SGCD: variants seen among roughly 807,000 people sequenced by gnomAD.
The protein encoded by SGCD is delta-sarcoglycan.
In SGCD, 18 loss-of-function variants were observed where a neutral mutation model predicts 36.6. That is an observed-to-expected ratio of 0.49 (90% CI 0.34 to 0.73). The LOEUF (loss-of-function observed/expected upper bound fraction) is 0.73. SGCD is among the 30% of genes least tolerant of loss of function. The probability of loss-of-function intolerance (pLI) is 0.01; values close to 1 mark genes in which losing one functional copy is unlikely to be tolerated. For missense variants in SGCD, 387 were observed against 346.7 expected (o/e 1.12, Z -0.92); for synonymous variants, 133 against 130.6 (o/e 1.02, Z -0.12).
At chr5:156,361,186 A>T (rs1431901742) in intron 3 of SGCD, among the ~76,000 whole-genome samples, 1 of 152,208 alleles carries the variant, frequency 6.6e-6, no homozygotes, top group African/African-American at 2.4e-5. Flanking sequence ...TCCCTCCTGC[A>T]AGGGGTTGAG....
chr5:156,304,419 C>T (rs1767144672), intron 3 of SGCD, among the ~76,000 whole-genome samples: 2 of 152,264 alleles, frequency 1.3e-5, no homozygotes, highest in South Asian at 4.1e-4. Context: ...CCTGCAAACA[C>T]TCTCTCTTTG....
chr5:156,392,586 G>A (rs1369733764), intron 3 of SGCD, among the ~76,000 whole-genome samples: 1 of 152,180 alleles, frequency 6.6e-6, no homozygotes, highest in Non-Finnish European at 1.5e-5. Flanking sequence ...AGCTCAATTA[G>A]ACCTCTGACT....
chr5:156,149,132 G>A (rs931171370), intron 3 of SGCD, among the ~76,000 whole-genome samples: 1 of 152,156 alleles, frequency 6.6e-6, no homozygotes, highest in African/African-American at 2.4e-5. Context: ...GGCTGTCACA[G>A]GTACATAGTA....
intron 5 of SGCD, among the ~76,000 whole-genome samples, chr5:156,592,961 G>A (rs561344823): frequency 6.6e-6 from 1 of 152,266 alleles, no homozygotes; most frequent in South Asian, 2.1e-4. Flanking sequence ...TTGTCCCATT[G>A]CAGTAGAATG....
At chr5:155,836,313 C>T in the SGCD span, among the ~76,000 whole-genome samples, 1 of 152,184 alleles carries the variant, frequency 6.6e-6, no homozygotes, top group African/African-American at 2.4e-5. Context: ...CCACTTGGTT[C>T]TTGGCCATAC....
chr5:156,553,969 T>C (rs28432313), intron 4 of SGCD, among the ~76,000 whole-genome samples: 5,799 of 151,672 alleles, frequency 0.038, 405 homozygotes, highest in African/African-American at 0.13. Context: ...CTTGGTTATA[T>C]ACAGTCGTCC....
At chr5:156,269,881 G>T (rs73302651) in intron 3 of SGCD, among the ~76,000 whole-genome samples, 22,828 of 152,156 alleles carry the variant, frequency 0.15, 2,503 homozygotes, top group African/African-American at 0.31. Flanking sequence ...AGTTTAATTA[G>T]ATCTCATTTG....
chr5:155,886,944 A>G (rs1477306748), intron 1 of SGCD, among the ~76,000 whole-genome samples: 1 of 152,200 alleles, frequency 6.6e-6, no homozygotes, highest in East Asian at 1.9e-4. Context: ...AGCTCATGAT[A>G]AAGCCCTTGG....
the SGCD span, among the ~76,000 whole-genome samples, chr5:155,808,160 C>T: frequency 6.6e-6 from 1 of 152,152 alleles, no homozygotes; most frequent in East Asian, 1.9e-4. Flanking sequence ...ACCTTGTGGG[C>T]CTCATTGTTT....
At chr5:156,108,937 T>C (rs1761715793) in intron 1 of SGCD, among the ~76,000 whole-genome samples, 1 of 152,190 alleles carries the variant, frequency 6.6e-6, no homozygotes, top group Non-Finnish European at 1.5e-5. Flanking sequence ...CTTTGTATTA[T>C]TTATTTGTCT....
At chr5:156,243,904 C>A (rs1239341181) in intron 3 of SGCD, among the ~76,000 whole-genome samples, 1 of 152,072 alleles carries the variant, frequency 6.6e-6, no homozygotes, top group African/African-American at 2.4e-5. Context: ...AAAATGAGTT[C>A]ATAGTGATAC....
intron 4 of SGCD, among the ~76,000 whole-genome samples, chr5:156,556,857 T>A (rs957961516): frequency 3.3e-5 from 5 of 152,306 alleles, no homozygotes. Flanking sequence ...TAACTGTGGT[T>A]GCAGCTTATG....
chr5:156,504,390 GTGTATATATATATATA>G (rs1561740716), intron 3 of SGCD, among the ~76,000 whole-genome samples: 3 of 126,490 alleles, frequency 2.4e-5, no homozygotes, highest in Admixed American at 7.6e-5. Flanking sequence ...GGGTGTGTGT[GTGTATATATATATATA>G]TATATATATA....
At chr5:156,643,933 T>A (rs570085103) in intron 6 of SGCD, among the ~76,000 whole-genome samples, 41 of 152,138 alleles carry the variant, frequency 2.7e-4, no homozygotes, top group Non-Finnish European at 5.6e-4. Context: ...ATTGAACATT[T>A]TGCCCCAAGG....
At chr5:156,742,112 G>A (rs1296342473) in intron 7 of SGCD, among the ~76,000 whole-genome samples, 5 of 152,068 alleles carry the variant, frequency 3.3e-5, no homozygotes, top group Admixed American at 1.3e-4. Context: ...TCCTGACCTC[G>A]TGATCCACCC....
At chr5:156,723,788 T>C (rs1207102629) in intron 7 of SGCD, among the ~76,000 whole-genome samples, 7 of 152,114 alleles carry the variant, frequency 4.6e-5, no homozygotes, top group African/African-American at 1.7e-4. Flanking sequence ...TTGTGGGCCA[T>C]GTTAAGTTTT....
At chr5:155,938,570 T>A (rs1757262958) in intron 1 of SGCD, among the ~76,000 whole-genome samples, 1 of 152,192 alleles carries the variant, frequency 6.6e-6, no homozygotes, top group Non-Finnish European at 1.5e-5. Context: ...AATAGGAATG[T>A]TCTTAATTGG....
intron 3 of SGCD, among the ~76,000 whole-genome samples, chr5:156,164,022 CAAA>C (rs1212346034): frequency 2.1e-4 from 12 of 58,460 alleles, no homozygotes; most frequent in Admixed American, 1.9e-4. Context: ...GACTCTGTCT[CAAA>C]AAAAAAAAAA....
intron 3 of SGCD, among the ~76,000 whole-genome samples, chr5:156,355,610 T>TATACAGTTG (rs1472391275): frequency 6.6e-6 from 1 of 152,222 alleles, no homozygotes; most frequent in Middle Eastern, 3.2e-3. Context: ...TTGGATCAGA[T>TATACAGTTG]GATACATAAG....
Sources: allele counts gnomAD v4.1 joint callset (sites outside exome capture counted in the v4.1 genomes callset), GRCh38; gene constraint gnomAD v4.1.1; transcripts MANE v1.5; gene names NCBI Gene and HGNC (gene_info 2026-07-23, HGNC 2026-07-21).